WDHD1: variants seen among roughly 807,000 people sequenced by gnomAD.
The protein encoded by WDHD1 is WD repeat and HMG-box DNA-binding protein 1.
WDHD1 carries 111 observed loss-of-function variants against 135.4 expected under a neutral mutation model. The ratio of observed to expected loss-of-function variants is 0.82; its 90% CI spans 0.70 to 0.96. WDHD1 has a LOEUF of 0.96. Among genes scored for constraint, WDHD1 ranks in the 40% least tolerant of loss-of-function variants. WDHD1 has a pLI of 0.00. For synonymous variants in WDHD1, 434 were observed against 439.0 expected (o/e 0.99, Z 0.14); for missense variants, 1,351 against 1,336.3 (o/e 1.01, Z -0.17).
At position 54,987,470 on chromosome 14, in the gene WDHD1, A is replaced by G. The variant is rs527703975; in HGVS notation, c.1527-83T>C. 7.3e-5 allele frequency: 93 copies of G among 1,276,532 alleles called. No homozygotes were observed. The African/African-American group carries it at 1.2e-3, about 16-fold the overall frequency. 79.1% of individuals were successfully genotyped at this position (1,276,532 alleles called of 1,614,324 possible). On this transcript the variant is annotated intron_variant, in intron 13 of 25. Transcript: ENST00000360586. ...TATATATAAGCAATCATGATATTCA[A>G]CAAAAAAACCAAATAGTTTACTTCC...
At chr14:55,023,496 C>A (rs1039003398) in intron 2 of WDHD1, among the ~76,000 whole-genome samples, 4 of 152,204 alleles carry the variant, frequency 2.6e-5, no homozygotes, top group African/African-American at 9.6e-5. Context: ...GGCAATTCAA[C>A]TTTTCTCTCT....
intron 20 of WDHD1, 35 bp from the exon 21 acceptor site, chr14:54,962,586 G>A: frequency 1.3e-6 from 2 of 1,566,632 alleles, no homozygotes; most frequent in South Asian, 1.1e-5. Context: ...AATGTAAATG[G>A]GGAAAATATA....
At chr14:55,001,077 T>A in intron 8 of WDHD1, 85 bp from the exon 9 acceptor site, 3 of 925,930 alleles carry the variant, frequency 3.2e-6, no homozygotes, top group Non-Finnish European at 4.5e-6. Flanking sequence ...AATTTTCTTT[T>A]CATTTTTTTT....
Position 55,000,991 on chromosome 14 carries a change from GT to G in WDHD1, c.694del (p.Thr232ProfsTer4). On this transcript the variant is annotated frameshift_variant and splice_region_variant, in exon 9 of 26. Coordinates refer to ENST00000360586, the MANE Select transcript of WDHD1 (RefSeq NM_007086.4). LOFTEE classifies it high-confidence loss of function. ...GGGAGACCAGGTTACTATATTGAGG[GT>G]CTGTAAAGAAAAACAGTTAATAAAT... ...FDLSDNFISQ[T>X]LNIVTWSPCG... 6.6e-7 allele frequency: 1 copy of G among 1,524,952 alleles called. No individual in the cohort carries two copies. Among genetic ancestry groups the G allele is most frequent in the South Asian group, 1.3e-5 (1 of 74,966 alleles). The allele number at this position is 1,524,952 out of a possible 1,614,324, so 94.5% of individuals were successfully genotyped here. A position where few individuals can be genotyped will look rare whatever the true frequency, so the allele number is the denominator to read the frequency against.
chr14:54,991,206 GTCT>G lies in WDHD1; in HGVS notation c.1341+4_1341+6del. ...ACTAAGAAGTTAAGTGTAGATCCAA[GTCT>G]TACCATGAATCTGTGAGTGAGATGC... On this transcript the variant is annotated splice_donor_5th_base_variant and intron_variant, in intron 12 of 25. Transcript: ENST00000360586. The G allele has an allele frequency of 1.3e-6, 2 of 1,518,612 alleles. No individual in the cohort carries two copies. The highest frequency in any genetic ancestry group is 1.8e-6 in the Non-Finnish European group (2 of 1,098,762). The allele number at this position is 1,518,612 out of a possible 1,614,324, so 94.1% of individuals were successfully genotyped here.
rs149016360 is a variant in WDHD1, at chr14:55,003,783, C to G, written c.601-1598G>C. ...CTTATCATGTTGGCCAGGCTGGTCT[C>G]GAACTCCTGACCTCAGGGGATCCAC... On this transcript the variant is annotated intron_variant, in intron 7 of 25. Transcript: ENST00000360586. 9.6e-3 allele frequency among the ~76,000 whole-genome samples: 1,459 copies of G among 152,088 alleles called. 6 individuals carry two copies. Among genetic ancestry groups the G allele is most frequent in the Non-Finnish European group, 0.015 (1,007 of 67,994 alleles).
At position 54,957,019 on chromosome 14, in the gene WDHD1, T is replaced by C. The variant is rs1213839676; in HGVS notation, c.2916+15A>G. 2.5e-6 allele frequency: 4 copies of C among 1,610,696 alleles called. No homozygotes were observed. The highest frequency in any genetic ancestry group is 1.1e-5 in the South Asian group (1 of 90,496). Reference sequence around the variant, plus strand: ...CCATGCTGCTTACTGCAGATGAGGGTAGCTGAAACAGTACCTGCTTAGGCT... The same window carrying C: ...CCATGCTGCTTACTGCAGATGAGGGCAGCTGAAACAGTACCTGCTTAGGCT... On this transcript the variant is annotated intron_variant, in intron 23 of 25. Transcript: ENST00000360586.
intron 18 of WDHD1, 124 bp from the exon 19 acceptor site, chr14:54,963,296 G>A (rs1339702552): frequency 5.4e-6 from 4 of 734,294 alleles, no homozygotes; most frequent in South Asian, 1.9e-5. Context: ...CTAATTCTAA[G>A]ATGCACATTT....
chr14:54,975,628 C>T (rs568354154), intron 16 of WDHD1, among the ~76,000 whole-genome samples: 7 of 151,986 alleles, frequency 4.6e-5, no homozygotes, highest in Admixed American at 4.6e-4. Context: ...GGATTACAGG[C>T]GTGAGCCACT....
chr14:54,989,234 T>G lies in WDHD1; in HGVS notation c.1342-22A>C, dbSNP rs751385409. On this transcript the variant is annotated intron_variant, in intron 12 of 25. Coordinates refer to ENST00000360586, the MANE Select transcript of WDHD1 (RefSeq NM_007086.4). ...ACACCTACAAACAGGTAAGATTAAA[T>G]ATAAGTCTGAGAAAAACTGAAGCTC... 4 of 1,580,316 alleles carry G rather than the reference T, an allele frequency of 2.5e-6. No homozygotes were observed. In the East Asian group the frequency reaches 9.1e-5, roughly 36 times the overall value.
chr14:54,964,007 C>T (rs1285563202), intron 18 of WDHD1, among the ~76,000 whole-genome samples: 1 of 152,008 alleles, frequency 6.6e-6, no homozygotes, highest in African/African-American at 2.4e-5. Context: ...ACTCAGGAGC[C>T]TGAGACAGGA....
At chr14:55,021,000 G>A (rs946297191) in intron 2 of WDHD1, among the ~76,000 whole-genome samples, 3 of 152,164 alleles carry the variant, frequency 2.0e-5, no homozygotes, top group Non-Finnish European at 4.4e-5. Context: ...CGGGGAACAC[G>A]AAGAGGAGTT....
intron 21 of WDHD1, among the ~76,000 whole-genome samples, chr14:54,959,464 G>A (rs2041214308): frequency 6.6e-6 from 1 of 151,642 alleles, no homozygotes; most frequent in Non-Finnish European, 1.5e-5. Flanking sequence ...AGGCAGGCAG[G>A]CAGGCAGGAA....
chr14:54,967,343 A>T lies in WDHD1; in HGVS notation c.2115T>A (p.Ala705=). 6.2e-7 allele frequency: 1 copy of T among 1,612,868 alleles called. No homozygotes were observed. Among genetic ancestry groups the T allele is most frequent in the Non-Finnish European group, 8.5e-7 (1 of 1,179,126 alleles). ...SRFPPTLPRP[A]VAILSFKLPY... ...GAAGCTTAAAGGATAATATAGCAAC[A>T]GCAGGGCGTGGAAGGGTTGGGGGAA... Residue 705 remains alanine, a synonymous_variant, in exon 17 of 26, where the codon GCT becomes GCA. Transcript: ENST00000360586.
intron 11 of WDHD1, among the ~76,000 whole-genome samples, chr14:54,992,481 C>T (rs1033178317): frequency 6.6e-6 from 1 of 151,982 alleles, no homozygotes; most frequent in Admixed American, 6.6e-5. Context: ...CAGAGCAAGA[C>T]TCCCTCTCAA....
chr14:55,012,199 A>T (rs1319790162), intron 3 of WDHD1, among the ~76,000 whole-genome samples: 1 of 152,098 alleles, frequency 6.6e-6, no homozygotes, highest in African/African-American at 2.4e-5. Context: ...GGTCATTTAC[A>T]TTTTTTCTTC....
intron 24 of WDHD1, among the ~76,000 whole-genome samples, chr14:54,952,233 T>C (rs572971810): frequency 6.6e-6 from 1 of 152,288 alleles, no homozygotes; most frequent in South Asian, 2.1e-4. Context: ...GATTGTATAT[T>C]TAGAAAACCC....
chr14:54,950,065 C>G (rs1007406621), intron 24 of WDHD1, among the ~76,000 whole-genome samples: 2 of 152,158 alleles, frequency 1.3e-5, no homozygotes, highest in African/African-American at 4.8e-5. Context: ...ACCATCAAGG[C>G]TAGGAAGAAA....
At position 54,991,269 on chromosome 14, in the gene WDHD1, G is replaced by C. The variant is rs140961762; in HGVS notation, c.1285C>G (p.Arg429Gly). ...PFYDGPMPTP[R>G]QKPFQSGSTP... is the part of the protein sequence containing the mutation. ...GAACCTGACTGAAATGGCTTTTGCC[G>C]GGGAGTTGGCATGGGTCCATCATAA... Residue 429 changes from arginine to glycine, a missense_variant, in exon 12 of 26, where the codon CGG becomes GGG. Transcript: ENST00000360586. 7 of 1,612,946 alleles carry C rather than the reference G, an allele frequency of 4.3e-6. No individual in the cohort carries two copies. Among genetic ancestry groups the C allele is most frequent in the East Asian group, 2.2e-5 (1 of 44,874 alleles).
Sources: allele counts gnomAD v4.1 joint callset (sites outside exome capture counted in the v4.1 genomes callset), GRCh38; gene constraint gnomAD v4.1.1; transcripts MANE v1.5; gene names NCBI Gene and HGNC (gene_info 2026-07-23, HGNC 2026-07-21).